The following MYO16 variants were observed in gnomAD, a reference collection of about 807,000 sequenced individuals.
The protein encoded by MYO16 is myosin XVI, also known as unconventional myosin-XVI.
In MYO16, 94 loss-of-function variants were observed where a neutral mutation model predicts 205.3. The ratio of observed to expected loss-of-function variants is 0.46; its 90% confidence interval spans 0.39 to 0.54. The LOEUF is 0.54. Among genes scored for constraint, MYO16 ranks in the 20% least tolerant of loss-of-function variants. MYO16 has a pLI of 0.00. For synonymous variants in MYO16, 988 were observed against 954.0 expected (o/e 1.04, Z -0.66); for missense variants, 2,315 against 2,387.5 (o/e 0.97, Z 0.63).
intron 10 of MYO16, among the ~76,000 whole-genome samples, chr13:108,845,408 C>CAAGGTGCAGGTTGACTG (rs1209801427): frequency 2.0e-5 from 3 of 152,076 alleles, no homozygotes; most frequent in African/African-American, 7.2e-5. Flanking sequence ...GGTCCAAGGT[C>CAAGGTGCAGGTTGACTG]AAGGTGCAGG....
chr13:109,112,064 A>C (rs1314720048), intron 28 of MYO16, among the ~76,000 whole-genome samples: 1 of 152,212 alleles, frequency 6.6e-6, no homozygotes, highest in Non-Finnish European at 1.5e-5. Context: ...TGAAAACTCC[A>C]TTCATAAGAA....
At chr13:108,538,792 A>G in the MYO16 span, among the ~76,000 whole-genome samples, 1 of 152,096 alleles carries the variant, frequency 6.6e-6, no homozygotes, top group Non-Finnish European at 1.5e-5. Flanking sequence ...TGTGGAATGA[A>G]CAAAAAATTC....
At chr13:108,531,028 G>C in the MYO16 span, among the ~76,000 whole-genome samples, 8 of 152,082 alleles carry the variant, frequency 5.3e-5, no homozygotes, top group Admixed American at 5.2e-4. Flanking sequence ...GGTTTAGAAA[G>C]TATTCAGTCA....
At chr13:108,911,725 C>T (rs1473564980) in intron 16 of MYO16, among the ~76,000 whole-genome samples, 1 of 152,104 alleles carries the variant, frequency 6.6e-6, no homozygotes, top group Non-Finnish European at 1.5e-5. Context: ...ATGGTATTCC[C>T]AGCTGGAACC....
At chr13:109,032,987 A>T (rs1057278054) in intron 23 of MYO16, among the ~76,000 whole-genome samples, 1 of 152,210 alleles carries the variant, frequency 6.6e-6, no homozygotes, top group Non-Finnish European at 1.5e-5. Context: ...CATGTAAATT[A>T]TGGATAATCT....
the MYO16 span, among the ~76,000 whole-genome samples, chr13:108,531,228 G>T: frequency 6.6e-6 from 1 of 152,178 alleles, no homozygotes; most frequent in African/African-American, 2.4e-5. Flanking sequence ...CTGTATTAAG[G>T]ATTAGTGTCT....
chr13:108,555,335 A>G, the MYO16 span, among the ~76,000 whole-genome samples: 2 of 152,212 alleles, frequency 1.3e-5, no homozygotes, highest in African/African-American at 4.8e-5. Flanking sequence ...ACAAATAAAA[A>G]TTGAATGTGT....
At chr13:108,928,588 A>T (rs1882113811) in intron 16 of MYO16, among the ~76,000 whole-genome samples, 1 of 152,206 alleles carries the variant, frequency 6.6e-6, no homozygotes. Flanking sequence ...TATACAAATG[A>T]CTGAAAGAGA....
At chr13:108,666,385 T>G (rs1160421546) in intron 2 of MYO16, among the ~76,000 whole-genome samples, 1 of 127,086 alleles carries the variant, frequency 7.9e-6, no homozygotes, top group East Asian at 3.1e-4. Flanking sequence ...TGAGATTGTA[T>G]TTTTTTTTTT....
chr13:108,905,130 G>A (rs9587718), intron 15 of MYO16, among the ~76,000 whole-genome samples: 81,087 of 151,878 alleles, frequency 0.53, 22,401 homozygotes, highest in East Asian at 0.71. Flanking sequence ...TCTTCATACA[G>A]GGTAGCTGGG....
At chr13:108,871,829 T>G (rs537993225) in intron 12 of MYO16, among the ~76,000 whole-genome samples, 1 of 152,302 alleles carries the variant, frequency 6.6e-6, no homozygotes, top group Admixed American at 6.5e-5. Flanking sequence ...TGCATCCTGA[T>G]TTTCTTCAAG....
the MYO16 span, among the ~76,000 whole-genome samples, chr13:108,566,735 G>GAGGAAGGAAGGA: frequency 9.7e-5 from 13 of 134,232 alleles, no homozygotes; most frequent in South Asian, 7.7e-4. Context: ...GGAAGGAAGG[G>GAGGAAGGAAGGA]AGGAAGGAAG....
chr13:108,499,698 G>A, the MYO16 span, among the ~76,000 whole-genome samples: 3 of 152,182 alleles, frequency 2.0e-5, no homozygotes, highest in African/African-American at 7.2e-5. Context: ...AAACATGGAT[G>A]AAATATTGGT....
intron 5 of MYO16, among the ~76,000 whole-genome samples, chr13:108,786,253 T>C (rs1394772326): frequency 6.6e-6 from 1 of 152,218 alleles, no homozygotes; most frequent in Non-Finnish European, 1.5e-5. Flanking sequence ...CCTATGGCCA[T>C]GATGCTAGCC....
At chr13:109,200,683 CTT>C (rs529830670) in intron 34 of MYO16, among the ~76,000 whole-genome samples, 10 of 134,698 alleles carry the variant, frequency 7.4e-5, no homozygotes, top group Middle Eastern at 3.8e-3. Flanking sequence ...GGATCTGGGA[CTT>C]TTTTTTTTTT....
the MYO16 span, among the ~76,000 whole-genome samples, chr13:108,516,114 T>C: frequency 6.6e-6 from 1 of 151,216 alleles, no homozygotes; most frequent in African/African-American, 2.4e-5. Context: ...ACTGCTGTGC[T>C]AGCAATCAGC....
intron 1 of MYO16, among the ~76,000 whole-genome samples, chr13:108,622,458 C>A (rs917951580): frequency 6.6e-6 from 1 of 152,086 alleles, no homozygotes; most frequent in Non-Finnish European, 1.5e-5. Context: ...GAGGGACAAC[C>A]CACTAGAGGA....
chr13:108,587,830 C>T, the MYO16 span, among the ~76,000 whole-genome samples: 1 of 151,552 alleles, frequency 6.6e-6, no homozygotes, highest in Non-Finnish European at 1.5e-5. Context: ...CTAAGAGCAA[C>T]CTAAAGTTAT....
rs950027210 is a variant in MYO16 at position 109,127,296 on chromosome 13, G to A, written c.3797G>A (p.Ser1266Asn). ...EEGSKRTDDK[S>N]GPRHFHPSSM... is the part of the protein sequence containing the mutation. ...TTCCCCCTAAGAACCGATGACAAGA[G>A]TGGACCCAGGCATTTCCACCCCAGC... is the stretch of plus-strand genomic sequence containing the variant. Residue 1266 changes from serine (S) to asparagine (N), a missense_variant, in exon 31 of 35, where the codon AGT becomes AAT. Physicochemically the swap from Ser to Asn is conservative, Grantham distance 46. Around this residue, in one of 3 missense-constraint regions of MYO16, gnomAD observed 1,097 missense variants for 1,092.0 expected, o/e 1.00. Coordinates refer to ENST00000457511, the MANE Select transcript of MYO16 (RefSeq NM_001198950.3). The surrounding 1 kb of genome is among the most constrained non-coding windows in gnomAD (Gnocchi z 4.2). 2 of 1,591,222 alleles carry A rather than the reference G, an allele frequency of 1.3e-6. No individual in the cohort carries two copies. The highest frequency in any genetic ancestry group is 8.6e-7 in the Non-Finnish European group (1 of 1,164,128).
Sources: gnomAD v4.1 joint callset for allele counts (sites outside exome capture counted in the v4.1 genomes callset) on GRCh38, gnomAD v4.1.1 for gene constraint, gnomAD v4.1.1 regional missense constraint, Gnocchi (gnomAD v3.1) non-coding constraint, MANE v1.5 for transcripts, NCBI Gene and HGNC (gene_info 2026-07-23, HGNC 2026-07-21) for gene names.